Variants in PSTK observed in about 807,000 individuals in gnomAD.
PSTK encodes phosphoseryl-tRNA kinase, also known as L-seryl-tRNA(Sec) kinase.
In PSTK, 26 loss-of-function variants were observed where a neutral mutation model predicts 38.6. The ratio of observed to expected loss-of-function variants is 0.67; its 90% CI spans 0.49 to 0.94. PSTK has a LOEUF of 0.94. Ranked by LOEUF, PSTK falls within the 40% of genes least tolerant of loss-of-function variation. PSTK has a pLI of 0.00. For missense variants in PSTK, 445 were observed against 436.3 expected, an observed-to-expected ratio of 1.02 and a Z score of -0.18; for synonymous variants, 181 against 161.7, an observed-to-expected ratio of 1.12 and a Z score of -0.91.
chr10:122,989,458 G>A (rs1849090562), intron 5 of PSTK, among the ~76,000 whole-genome samples: 2 of 152,112 alleles, frequency 1.3e-5, no homozygotes, highest in South Asian at 2.1e-4. Context: ...CACCATGTTG[G>A]CCAGTCTGGT....
intron 3 of PSTK, chr10:122,986,052 C>G (rs573371809): frequency 5.2e-4 from 119 of 228,780 alleles, no homozygotes; most frequent in Non-Finnish European, 8.0e-4. Context: ...AACCCCATCT[C>G]TACTAAAAAA....
At position 122,980,693 on chromosome 10, in the gene PSTK, G is replaced by C; in HGVS notation, c.214G>C (p.Ala72Pro). ...AFLAGARARP[A>P]PSQWKLLRQE... The stretch of plus-strand genomic sequence containing the variant: ...TCTCGCCGGGGCAAGAGCGCGACCG[G>C]CGGTCAGCACGGAGGGGCGGGGCCT... Residue 72 changes from alanine to proline, a missense_variant and splice_region_variant, in exon 1 of 6, where the codon GCG becomes CCG. By Grantham distance (27) the Ala-to-Pro change is conservative (BLOSUM62 -1). Transcript: ENST00000406217. This position sits in a 1 kb window ranked among gnomAD's most constrained non-coding sequence, Gnocchi z 4.3. 6.4e-7 allele frequency: 1 copy of C among 1,553,332 alleles called. No homozygotes were observed. Among genetic ancestry groups the C allele is most frequent in the East Asian group, 2.5e-5 (1 of 39,880 alleles).
intron 3 of PSTK, chr10:122,984,958 T>C (rs1849015335): frequency 6.6e-6 from 1 of 152,238 alleles, no homozygotes; most frequent in Non-Finnish European, 1.5e-5. Context: ...AGAGCCAAGA[T>C]CTGGACCCAG....
chr10:122,990,180 A>G lies in PSTK; in HGVS notation c.884A>G (p.Gln295Arg). Residue 295 changes from glutamine (Q) to arginine (R), a missense_variant, in exon 6 of 6, where the codon CAA becomes CGA. Physicochemically the swap from Gln to Arg is conservative, Grantham distance 43. Transcript: ENST00000406217. ...SQTMKEAKDE[Q>R]VLPHNLKLLA... ...GAATATCTTTTTATTTTAGATGAAC[A>G]AGTGCTTCCTCACAACTTGAAGCTT... 2 of 1,517,258 alleles carry G rather than the reference A, an allele frequency of 1.3e-6. No individual in the cohort carries two copies. The highest frequency in any genetic ancestry group is 2.8e-5 in the African/African-American group (2 of 71,022). The allele number at this position is 1,517,258 out of a possible 1,614,324, so 94.0% of individuals were successfully genotyped here. A position where few individuals can be genotyped will look rare whatever the true frequency, so the allele number is the denominator to read the frequency against.
rs1222218979 is a variant in PSTK at position 122,980,471 on chromosome 10, C to T, written c.-9C>T. On this transcript the variant is annotated 5_prime_UTR_variant, in exon 1 of 6. Coordinates refer to ENST00000406217, the MANE Select transcript of PSTK (RefSeq NM_001363531.2). The surrounding 1 kb of genome is among the most constrained non-coding windows in gnomAD (Gnocchi z 4.3). ...ACGCTCCCAGACTCCTCCGGTCTCCCCGGGCAGCATGAAGACCGCCGAGAA... is the reference window on the plus strand; with the variant it reads ...ACGCTCCCAGACTCCTCCGGTCTCCTCGGGCAGCATGAAGACCGCCGAGAA... The T allele has an allele frequency of 6.3e-7, 1 of 1,589,578 alleles. No individual in the cohort carries two copies.
intron 4 of PSTK, 82 bp downstream of exon 4, chr10:122,986,457 G>A (rs1294753945): frequency 2.0e-6 from 2 of 996,984 alleles, no homozygotes; most frequent in Non-Finnish European, 3.2e-6. Flanking sequence ...TATAAAATGT[G>A]AGTGAAACGG....
At chr10:122,989,027 T>C (rs1849076168) in intron 5 of PSTK, among the ~76,000 whole-genome samples, 1 of 152,086 alleles carries the variant, frequency 6.6e-6, no homozygotes, top group Non-Finnish European at 1.5e-5. Context: ...AATGCTGATA[T>C]GTGCTATACA....
intron 4 of PSTK, 74 bp downstream of exon 4, chr10:122,986,449 TA>T: frequency 1.8e-6 from 2 of 1,093,968 alleles, no homozygotes; most frequent in Non-Finnish European, 2.8e-6. Context: ...GAGCCGAATA[TA>T]AAATGTGAGT....
Position 122,983,020 on chromosome 10 carries a change from G to A in PSTK, c.504G>A (p.Arg168=), listed in dbSNP as rs1433338641. 4 of 1,601,908 alleles carry A rather than the reference G, an allele frequency of 2.5e-6. No individual in the cohort carries two copies. In the South Asian group the frequency reaches 4.5e-5, roughly 18 times the overall value. ...SMRYEVYQLA[R]KYSLGFCQLF... is the part of the protein sequence containing the mutation. The stretch of plus-strand genomic sequence containing the variant: ...GATATGAAGTCTACCAGCTGGCTCG[G>A]AAATGTAATTAAAACTTTTTTTTTC... The change falls in exon 2 of 6, where the codon CGG becomes CGA. Residue 168 remains arginine, a synonymous_variant. Coordinates refer to ENST00000406217, the MANE Select transcript of PSTK (RefSeq NM_001363531.2).
Position 122,980,782 on chromosome 10 carries a change from G to C in PSTK, c.216+87G>C. On this transcript the variant is annotated intron_variant, in intron 1 of 5. Coordinates refer to ENST00000406217, the MANE Select transcript of PSTK (RefSeq NM_001363531.2). The surrounding 1 kb of genome is among the most constrained non-coding windows in gnomAD (Gnocchi z 4.3). ...GGGACACTCGCGTCCACGCGGTCCT[G>C]GGTGATTTGCCATGAGCGCCCATTG... 1 of 1,291,212 alleles carries C rather than the reference G, an allele frequency of 7.7e-7. No homozygotes were observed. Among genetic ancestry groups the C allele is most frequent in the Non-Finnish European group, 9.8e-7 (1 of 1,024,770 alleles). 80.0% of individuals were successfully genotyped at this position (1,291,212 alleles called of 1,614,324 possible).
At position 122,986,389 on chromosome 10, in the gene PSTK, G is replaced by A; in HGVS notation, c.783+14G>A. On this transcript the variant is annotated intron_variant, in intron 4 of 5. Coordinates refer to ENST00000406217, the MANE Select transcript of PSTK (RefSeq NM_001363531.2). Reference sequence around the variant, plus strand: ...ATGGAACAAAAGGTAAACTTCCAGTGTAAATTTAATGTAAATGAGAAGGAA... The same window carrying A: ...ATGGAACAAAAGGTAAACTTCCAGTATAAATTTAATGTAAATGAGAAGGAA... 6.4e-7 allele frequency: 1 copy of A among 1,568,902 alleles called. No homozygotes were observed. The highest frequency in any genetic ancestry group is 8.8e-7 in the Non-Finnish European group (1 of 1,139,020).
At position 122,983,034 on chromosome 10, in the gene PSTK, AC is replaced by A; in HGVS notation, c.508+11del. On this transcript the variant is annotated intron_variant, in intron 2 of 5. Coordinates refer to ENST00000406217, the MANE Select transcript of PSTK (RefSeq NM_001363531.2). Reference sequence around the variant, plus strand: ...CAGCTGGCTCGGAAATGTAATTAAAACTTTTTTTTTCTTACACATGGAGATA... The same window carrying A: ...CAGCTGGCTCGGAAATGTAATTAAAATTTTTTTTTCTTACACATGGAGATA... The A allele has an allele frequency of 6.3e-7, 1 of 1,595,966 alleles. No individual in the cohort carries two copies. Among genetic ancestry groups the A allele is most frequent in the East Asian group, 2.2e-5 (1 of 44,700 alleles).
chr10:122,990,238 G>C lies in PSTK; in HGVS notation c.942G>C (p.Glu314Asp). 1 of 1,542,508 alleles carries C rather than the reference G, an allele frequency of 6.5e-7. No homozygotes were observed. The highest frequency in any genetic ancestry group is 8.7e-7 in the Non-Finnish European group (1 of 1,144,538). ...LAEELNKLKA[E>D]FLEDLKQGNK... The stretch of plus-strand genomic sequence containing the variant: ...AAGAACTTAACAAGCTCAAAGCAGA[G>C]TTTTTGGAAGACCTAAAACAAGGAA... The change falls in exon 6 of 6, where the codon GAG (glutamate) becomes GAC (aspartate). Residue 314 changes from glutamate (E) to aspartate (D), a missense_variant. By Grantham distance (45) the Glu-to-Asp change is conservative. Transcript: ENST00000406217.
chr10:122,983,134 T>C (rs1170443007), intron 2 of PSTK, 110 bp downstream of exon 2: 2 of 1,260,622 alleles, frequency 1.6e-6, no homozygotes, highest in Non-Finnish European at 2.2e-6. Flanking sequence ...TAGATTTACT[T>C]AATTTTAAAA....
chr10:122,983,542 T>G (rs2133356418), intron 3 of PSTK, 72 bp downstream of exon 3: 1 of 1,374,356 alleles, frequency 7.3e-7, no homozygotes, highest in East Asian at 2.3e-5. Flanking sequence ...TTGTCTATGT[T>G]GGTTTAGTTA....
At position 122,986,152 on chromosome 10, in the gene PSTK, C is replaced by A. The variant is rs544652869; in HGVS notation, c.708-148C>A. 1.5e-3 allele frequency: 601 copies of A among 412,118 alleles called. 1 individual carries two copies. Among genetic ancestry groups the A allele is most frequent in the Non-Finnish European group, 2.2e-3 (523 of 235,230 alleles). The allele number at this position is 412,118 out of a possible 1,614,324, so 25.5% of individuals were successfully genotyped here. A position where few individuals can be genotyped will look rare whatever the true frequency, so the allele number is the denominator to read the frequency against. ...AGGAGAATGGCGCAAATCCGGGAAG[C>A]AGAGCTTGCAGTGAGCAGAGATCAC... On this transcript the variant is annotated intron_variant, in intron 3 of 5. Coordinates refer to ENST00000406217, the MANE Select transcript of PSTK (RefSeq NM_001363531.2).
chr10:122,980,594 G>A lies in PSTK; in HGVS notation c.115G>A (p.Ala39Thr). ...AAAATCGACTTTCGCGCGCGCCCTC[G>A]CCCACCGGCTGCAGCAGGAGCAGGG... The part of the protein sequence containing the change: ...AGKSTFARAL[A>T]HRLQQEQGWA... Residue 39 changes from alanine (A) to threonine (T), a missense_variant, in exon 1 of 6, where the codon GCC (alanine) becomes ACC (threonine). Physicochemically the swap from Ala to Thr is moderately conservative, Grantham distance 58. Coordinates refer to ENST00000406217, the MANE Select transcript of PSTK (RefSeq NM_001363531.2). This position sits in a 1 kb window ranked among gnomAD's most constrained non-coding sequence, Gnocchi z 4.3. 1 of 1,612,008 alleles carries A rather than the reference G, an allele frequency of 6.2e-7. No homozygotes were observed. Among genetic ancestry groups the A allele is most frequent in the Non-Finnish European group, 8.5e-7 (1 of 1,179,546 alleles).
chr10:122,983,478 A>G lies in PSTK; in HGVS notation c.707+8A>G, dbSNP rs1848995194. The G allele has an allele frequency of 1.6e-5, 25 of 1,611,504 alleles. No homozygotes were observed. The highest frequency in any genetic ancestry group is 2.1e-5 in the Non-Finnish European group (25 of 1,179,378). The stretch of plus-strand genomic sequence containing the variant: ...ATGTGCTTCGGAGGCCAGGTATTCC[A>G]CTCAATCATCCCTCCCTGGATGCTC... On this transcript the variant is annotated splice_region_variant and intron_variant, in intron 3 of 5. Transcript: ENST00000406217.
chr10:122,982,647 T>C, intron 1 of PSTK, 86 bp from the exon 2 acceptor site: 1 of 1,165,642 alleles, frequency 8.6e-7, no homozygotes, highest in South Asian at 1.4e-5. Flanking sequence ...AGCTGAAATT[T>C]TCATATGGGG....
Sources: gnomAD v4.1 joint callset for allele counts (sites outside exome capture counted in the v4.1 genomes callset) on GRCh38, gnomAD v4.1.1 for gene constraint, Gnocchi (gnomAD v3.1) non-coding constraint, MANE v1.5 for transcripts, NCBI Gene and HGNC (gene_info 2026-07-23, HGNC 2026-07-21) for gene names.